Variants in BRINP1 observed in about 807,000 individuals in gnomAD.
BRINP1 encodes BMP/retinoic acid inducible neural specific 1.
Under a neutral mutation model 72.9 loss-of-function variants are expected in BRINP1, and 17 were observed. That is an observed-to-expected ratio of 0.23 (90% CI 0.16 to 0.35). BRINP1 has a LOEUF of 0.35. BRINP1 is among the 10% of genes least tolerant of loss of function. BRINP1 has a pLI of 1.00. For missense variants in BRINP1, 850 were observed against 1,001.6 expected (o/e 0.85, Z 2.04); for synonymous variants, 418 against 378.5 (o/e 1.10, Z -1.21).
chr9:119,232,777 C>G (rs1309884863), intron 5 of BRINP1, among the ~76,000 whole-genome samples: 1 of 151,986 alleles, frequency 6.6e-6, no homozygotes, highest in Non-Finnish European at 1.5e-5. Context: ...CATCAGGGAG[C>G]TACTGAGGCA....
At chr9:119,256,506 A>G (rs2118929401) in intron 2 of BRINP1, among the ~76,000 whole-genome samples, 1 of 152,346 alleles carries the variant, frequency 6.6e-6, no homozygotes, top group African/African-American at 2.4e-5. Context: ...GATGAGGACT[A>G]AAAGCATGCA....
At chr9:119,231,038 A>G (rs1018250810) in intron 5 of BRINP1, among the ~76,000 whole-genome samples, 4 of 152,124 alleles carry the variant, frequency 2.6e-5, no homozygotes, top group Non-Finnish European at 5.9e-5. Flanking sequence ...CAAATCTAAG[A>G]TGATATTTAC....
intron 1 of BRINP1, among the ~76,000 whole-genome samples, chr9:119,342,736 A>G (rs941512967): frequency 2.6e-5 from 4 of 152,222 alleles, no homozygotes; most frequent in Admixed American, 6.5e-5. Flanking sequence ...TGATGGCCAG[A>G]TATTACTTTC....
chr9:119,299,631 A>G (rs1830919847), intron 2 of BRINP1, among the ~76,000 whole-genome samples: 1 of 151,680 alleles, frequency 6.6e-6, no homozygotes, highest in Non-Finnish European at 1.5e-5. Context: ...AAAAAAAAAA[A>G]GTGAGTACAT....
At chr9:119,325,475 T>C (rs532552844) in intron 1 of BRINP1, among the ~76,000 whole-genome samples, 7 of 152,326 alleles carry the variant, frequency 4.6e-5, no homozygotes, top group Admixed American at 3.9e-4. Flanking sequence ...TTCACATCCA[T>C]CTACTTCCTT....
At chr9:119,345,118 T>C (rs532848884) in intron 1 of BRINP1, among the ~76,000 whole-genome samples, 3 of 152,184 alleles carry the variant, frequency 2.0e-5, no homozygotes, top group Non-Finnish European at 4.4e-5. Flanking sequence ...CCCTGTCTCA[T>C]TGAATATTCA....
chr9:119,313,101 T>C lies in BRINP1; in HGVS notation c.218+37A>G, dbSNP rs777098457. On this transcript the variant is annotated intron_variant, in intron 2 of 7. Transcript: ENST00000265922. ...ACGCCTGACTCCACAAAGCATAATATGAATGTAAGGCAAGGGCTATTTAGC... is the reference window on the plus strand; with the variant it reads ...ACGCCTGACTCCACAAAGCATAATACGAATGTAAGGCAAGGGCTATTTAGC... 9 of 1,598,430 alleles carry C rather than the reference T, an allele frequency of 5.6e-6. No homozygotes were observed. In the South Asian group the frequency reaches 6.7e-5, roughly 12 times the overall value.
At chr9:119,212,042 G>T (rs1829934463) in intron 6 of BRINP1, among the ~76,000 whole-genome samples, 1 of 151,608 alleles carries the variant, frequency 6.6e-6, no homozygotes, top group Non-Finnish European at 1.5e-5. Flanking sequence ...AAATCTTTCT[G>T]CAAAAGCATT....
chr9:119,245,352 T>A (rs1034108424), intron 3 of BRINP1, among the ~76,000 whole-genome samples: 1 of 152,216 alleles, frequency 6.6e-6, no homozygotes, highest in Non-Finnish European at 1.5e-5. Flanking sequence ...GGTAGGCATT[T>A]GTGCACATCT....
intron 7 of BRINP1, among the ~76,000 whole-genome samples, chr9:119,176,734 C>A (rs1829494318): frequency 6.6e-6 from 1 of 152,150 alleles, no homozygotes; most frequent in African/African-American, 2.4e-5. Flanking sequence ...TAAGCTCTTC[C>A]TTTGAAGGTA....
At chr9:119,203,639 G>A (rs1231812068) in intron 7 of BRINP1, among the ~76,000 whole-genome samples, 1 of 152,166 alleles carries the variant, frequency 6.6e-6, no homozygotes, top group East Asian at 1.9e-4. Context: ...AAAGGTTTCA[G>A]TAACTTCCTC....
At chr9:119,184,362 T>A (rs757113068) in intron 7 of BRINP1, among the ~76,000 whole-genome samples, 5 of 152,166 alleles carry the variant, frequency 3.3e-5, no homozygotes, top group Non-Finnish European at 1.5e-5. Context: ...TTTTTTTTCC[T>A]GCCCATAAAT....
At chr9:119,303,402 G>A (rs1830961755) in intron 2 of BRINP1, among the ~76,000 whole-genome samples, 1 of 151,818 alleles carries the variant, frequency 6.6e-6, no homozygotes, top group African/African-American at 2.4e-5. Context: ...TGTCCCCTGA[G>A]CATTACACAT....
At chr9:119,192,351 A>AAG (rs1364665921) in intron 7 of BRINP1, among the ~76,000 whole-genome samples, 1 of 152,014 alleles carries the variant, frequency 6.6e-6, no homozygotes, top group Admixed American at 6.6e-5. Flanking sequence ...AACCACATAC[A>AAG]AGAGATTAAT....
At chr9:119,223,625 T>G (rs149048500) in intron 5 of BRINP1, among the ~76,000 whole-genome samples, 1 of 152,072 alleles carries the variant, frequency 6.6e-6, no homozygotes, top group South Asian at 2.1e-4. Flanking sequence ...TAGCACAGTA[T>G]TGAGTACCCA....
intron 2 of BRINP1, among the ~76,000 whole-genome samples, chr9:119,289,001 T>A (rs1038889417): frequency 6.6e-6 from 1 of 152,202 alleles, no homozygotes; most frequent in Admixed American, 6.5e-5. Context: ...GGTTTCACCA[T>A]GTTGGTCAGG....
intron 1 of BRINP1, among the ~76,000 whole-genome samples, chr9:119,326,306 A>AT (rs1831239209): frequency 1.3e-5 from 2 of 152,168 alleles, no homozygotes; most frequent in South Asian, 4.1e-4. Flanking sequence ...TAGTTTTCTT[A>AT]TTTTGACCAG....
At chr9:119,217,592 C>A (rs1829991385) in intron 5 of BRINP1, among the ~76,000 whole-genome samples, 1 of 152,144 alleles carries the variant, frequency 6.6e-6, no homozygotes, top group African/African-American at 2.4e-5. Flanking sequence ...AGCATGTGGG[C>A]AATGTATATG....
At chr9:119,283,681 G>A (rs927766078) in intron 2 of BRINP1, among the ~76,000 whole-genome samples, 2 of 152,034 alleles carry the variant, frequency 1.3e-5, no homozygotes, top group Non-Finnish European at 2.9e-5. Context: ...TACAGGCGTG[G>A]GCCACCACAA....
Sources: allele counts gnomAD v4.1 joint callset (sites outside exome capture counted in the v4.1 genomes callset), GRCh38; gene constraint gnomAD v4.1.1; transcripts MANE v1.5; gene names NCBI Gene and HGNC (gene_info 2026-07-23, HGNC 2026-07-21).